Variants in GALNTL6 observed in about 807,000 individuals in gnomAD.
GALNTL6 encodes the protein polypeptide N-acetylgalactosaminyltransferase like 6.
GALNTL6 carries 46 observed loss-of-function variants against 73.7 expected under a neutral mutation model. The ratio of observed to expected loss-of-function variants is 0.62; its 90% confidence interval spans 0.49 to 0.80. The LOEUF is 0.80. Among genes scored for constraint, GALNTL6 ranks in the 30% least tolerant of loss-of-function variants. The pLI is 0.00. For synonymous variants in GALNTL6, 259 were observed against 263.7 expected (o/e 0.98, Z 0.17); for missense variants, 604 against 755.0 (o/e 0.80, Z 2.34).
intron 5 of GALNTL6, among the ~76,000 whole-genome samples, chr4:172,710,602 C>A (rs1184400813): frequency 1.3e-5 from 2 of 152,002 alleles, no homozygotes; most frequent in African/African-American, 4.8e-5. Context: ...TGTTTTGATT[C>A]CAAATTTATA....
At chr4:171,956,530 A>T (rs1477817200) in intron 2 of GALNTL6, among the ~76,000 whole-genome samples, 3 of 152,044 alleles carry the variant, frequency 2.0e-5, no homozygotes, top group Admixed American at 2.0e-4. Flanking sequence ...GTTTAGCAAA[A>T]CTCATTTTTG....
chr4:172,655,433 C>G (rs1283607059), intron 5 of GALNTL6, among the ~76,000 whole-genome samples: 2 of 152,194 alleles, frequency 1.3e-5, no homozygotes, highest in Non-Finnish European at 2.9e-5. Context: ...TCACCAGACA[C>G]TATTATAAGC....
At chr4:171,998,444 A>ATT (rs1350505115) in intron 2 of GALNTL6, among the ~76,000 whole-genome samples, 1 of 152,016 alleles carries the variant, frequency 6.6e-6, no homozygotes, top group Non-Finnish European at 1.5e-5. Context: ...CTCTTATAAA[A>ATT]ACACCTGTTA....
intron 4 of GALNTL6, among the ~76,000 whole-genome samples, chr4:172,334,111 TTACTCTACTC>T (rs200282043): frequency 2.6e-5 from 4 of 151,848 alleles, no homozygotes; most frequent in African/African-American, 4.8e-5. Context: ...TTACTACACT[TTACTCTACTC>T]TACTCTACTC....
rs560011312 is a variant in GALNTL6, at chr4:172,632,329, C to T, written c.554-177032C>T. Among the ~76,000 whole-genome samples the T allele has an allele frequency of 9.2e-4, 140 of 152,264 alleles. 1 individual carries two copies. In the South Asian group the frequency reaches 0.021, roughly 22 times the overall value. On this transcript the variant is annotated intron_variant, in intron 5 of 12. Coordinates refer to ENST00000506823, the MANE Select transcript of GALNTL6 (RefSeq NM_001034845.3). ...CGGGAACATGTGGGAAAGTTTGGAA[C>T]GTCCTAGAGACTTTTTGAATGGCTT...
chr4:172,999,348 T>TCA (rs970135825), intron 10 of GALNTL6, among the ~76,000 whole-genome samples: 69 of 151,708 alleles, frequency 4.5e-4, no homozygotes, highest in East Asian at 1.4e-3. Flanking sequence ...GCGTGCGCAC[T>TCA]CACACACACA....
chr4:172,777,771 C>G (rs1275350530), intron 5 of GALNTL6, among the ~76,000 whole-genome samples: 1 of 151,970 alleles, frequency 6.6e-6, no homozygotes, highest in African/African-American at 2.4e-5. Flanking sequence ...GGAGTAGTTG[C>G]ATTTAACATA....
intron 4 of GALNTL6, among the ~76,000 whole-genome samples, chr4:172,318,251 C>A (rs1740634878): frequency 6.6e-6 from 1 of 152,190 alleles, no homozygotes; most frequent in African/African-American, 2.4e-5. Context: ...ACCTCTCATT[C>A]TTGACTAAAG....
intron 5 of GALNTL6, among the ~76,000 whole-genome samples, chr4:172,431,999 T>C (rs959193093): frequency 1.3e-5 from 2 of 152,140 alleles, no homozygotes; most frequent in African/African-American, 4.8e-5. Flanking sequence ...TATATTAAGA[T>C]AACACATAAA....
At chr4:171,972,460 CA>C (rs1442874216) in intron 2 of GALNTL6, among the ~76,000 whole-genome samples, 2 of 151,962 alleles carry the variant, frequency 1.3e-5, no homozygotes, top group African/African-American at 4.8e-5. Flanking sequence ...GTCTTTCAGA[CA>C]ATTAGATTTA....
intron 2 of GALNTL6, among the ~76,000 whole-genome samples, chr4:171,971,417 T>G (rs1421256097): frequency 6.6e-6 from 1 of 152,210 alleles, no homozygotes; most frequent in Non-Finnish European, 1.5e-5. Context: ...TTGAGGTGTG[T>G]GAACACAAAA....
At chr4:172,565,822 T>G (rs1736534007) in intron 5 of GALNTL6, among the ~76,000 whole-genome samples, 1 of 152,180 alleles carries the variant, frequency 6.6e-6, no homozygotes, top group African/African-American at 2.4e-5. Context: ...TCTTCATGAT[T>G]CAGTGTTGGT....
intron 5 of GALNTL6, among the ~76,000 whole-genome samples, chr4:172,587,786 G>A (rs888066624): frequency 6.6e-6 from 1 of 152,136 alleles, no homozygotes; most frequent in Non-Finnish European, 1.5e-5. Context: ...TCTGGGTGAT[G>A]CAAGTGCATG....
chr4:172,061,728 AT>A, intron 2 of GALNTL6, among the ~76,000 whole-genome samples: 1 of 151,888 alleles, frequency 6.6e-6, no homozygotes, highest in East Asian at 1.9e-4. Flanking sequence ...AAGCTCCATG[AT>A]TTTAAGTTCT....
intron 10 of GALNTL6, among the ~76,000 whole-genome samples, chr4:172,953,418 A>G (rs1449447472): frequency 6.6e-6 from 1 of 152,224 alleles, no homozygotes; most frequent in Non-Finnish European, 1.5e-5. Flanking sequence ...AGCCTTTCAG[A>G]AATCAAGAGT....
intron 8 of GALNTL6, among the ~76,000 whole-genome samples, chr4:172,910,654 A>G (rs562458388): frequency 4.7e-4 from 72 of 152,348 alleles, no homozygotes; most frequent in African/African-American, 1.7e-3. Flanking sequence ...GTTTAAATAC[A>G]AACTCTAGAA....
intron 9 of GALNTL6, among the ~76,000 whole-genome samples, chr4:172,941,614 G>A (rs976989714): frequency 2.6e-5 from 4 of 152,136 alleles, no homozygotes; most frequent in Non-Finnish European, 5.9e-5. Flanking sequence ...ATCCCCATTA[G>A]AACTGACCAT....
chr4:172,060,905 A>C (rs1731179161), intron 2 of GALNTL6, among the ~76,000 whole-genome samples: 1 of 152,208 alleles, frequency 6.6e-6, no homozygotes, highest in East Asian at 1.9e-4. Context: ...TTATGTAAAT[A>C]AAAATTACAC....
At chr4:172,401,935 G>A (rs72988257) in intron 5 of GALNTL6, among the ~76,000 whole-genome samples, 4,124 of 121,674 alleles carry the variant, frequency 0.034, 235 homozygotes, top group African/African-American at 0.12. Context: ...GAGGGAGAGA[G>A]GGGGAAAGGG....
Sources: gnomAD v4.1 joint callset for allele counts (sites outside exome capture counted in the v4.1 genomes callset) on GRCh38, gnomAD v4.1.1 for gene constraint, MANE v1.5 for transcripts, NCBI Gene and HGNC (gene_info 2026-07-23, HGNC 2026-07-21) for gene names.